The following UBE2E1 variants were observed in gnomAD, a reference collection of about 807,000 sequenced individuals.
UBE2E1 encodes ubiquitin-conjugating enzyme E2 E1.
Under a neutral mutation model 21.4 loss-of-function variants are expected in UBE2E1, and 6 were observed. The observed-to-expected ratio is 0.28, with a 90% CI of 0.15 to 0.55. The LOEUF (loss-of-function observed/expected upper bound fraction) is 0.55. UBE2E1 is among the 20% of genes least tolerant of loss of function. The probability of loss-of-function intolerance (pLI) is 0.93; values close to 1 mark genes in which losing one functional copy is unlikely to be tolerated. For missense variants in UBE2E1, 142 were observed against 236.5 expected (o/e 0.60, Z 2.62); for synonymous variants, 87 against 82.7 (o/e 1.05, Z -0.28).
chr3:23,836,954 T>A lies in UBE2E1; in HGVS notation c.203+25444T>A, dbSNP rs535349930. On this transcript the variant is annotated intron_variant, in intron 3 of 5. Coordinates refer to ENST00000306627, the MANE Select transcript of UBE2E1 (RefSeq NM_003341.5). The surrounding 1 kb of genome is among the most constrained non-coding windows in gnomAD (Gnocchi z 4.1). ...ATGAAAAGATGGGCAATTTGGGAAA[T>A]CTGTGGCTTGTTAACTTGTTTGGCA... is the stretch of plus-strand genomic sequence containing the variant. Among the ~76,000 whole-genome samples, 9 of 152,304 alleles carry A rather than the reference T, an allele frequency of 5.9e-5. 1 individual carries two copies. In the South Asian group the frequency reaches 1.0e-3, roughly 18 times the overall value.
chr3:23,879,125 C>T (rs1700980838), intron 3 of UBE2E1: 1 of 553,788 alleles, frequency 1.8e-6, no homozygotes, highest in South Asian at 1.5e-5. Context: ...AGTAGAGGGA[C>T]TGCTTGGTTT....
At chr3:23,851,188 A>G (rs762610501) in intron 3 of UBE2E1, among the ~76,000 whole-genome samples, 1 of 152,174 alleles carries the variant, frequency 6.6e-6, no homozygotes, top group Non-Finnish European at 1.5e-5. Context: ...TCTTGTCAAA[A>G]ATCAATTTAC....
chr3:23,863,411 G>A lies in UBE2E1; in HGVS notation c.204-24156G>A, dbSNP rs151281661. ...TTTTCCCCTCTCCCTTTCTCCCTCT[G>A]TGCCCTTCCCTACCCACTACATATA... On this transcript the variant is annotated intron_variant, in intron 3 of 5. Transcript: ENST00000306627. This position sits in a 1 kb window ranked among gnomAD's most constrained non-coding sequence, Gnocchi z 4.3. 6.6e-6 allele frequency among the ~76,000 whole-genome samples: 1 copy of A among 151,748 alleles called. No homozygotes were observed. Among genetic ancestry groups the A allele is most frequent in the East Asian group, 1.9e-4 (1 of 5,172 alleles).
intron 3 of UBE2E1, among the ~76,000 whole-genome samples, chr3:23,835,185 G>T (rs1350605400): frequency 2.0e-5 from 3 of 152,202 alleles, no homozygotes; most frequent in Admixed American, 6.5e-5. Context: ...TTAAAAAAAT[G>T]CAGGCCAGGT....
intron 5 of UBE2E1, chr3:23,889,580 G>C: frequency 1.0e-6 from 1 of 985,058 alleles, no homozygotes. Context: ...AAACAAATCA[G>C]ACACTTCTAA....
At chr3:23,886,865 C>T (rs1701198494) in intron 3 of UBE2E1, among the ~76,000 whole-genome samples, 1 of 152,218 alleles carries the variant, frequency 6.6e-6, no homozygotes, top group Non-Finnish European at 1.5e-5. Context: ...TAGAAGCCAA[C>T]ACAATGCTTT....
rs139337033 is a variant in UBE2E1 at position 23,863,810 on chromosome 3, G to A, written c.204-23757G>A. Among the ~76,000 whole-genome samples, 518 of 152,224 alleles carry A rather than the reference G, an allele frequency of 3.4e-3. 2 individuals are homozygous for A. The highest frequency in any genetic ancestry group is 5.2e-3 in the Non-Finnish European group (351 of 68,010). On this transcript the variant is annotated intron_variant, in intron 3 of 5. Coordinates refer to ENST00000306627, the MANE Select transcript of UBE2E1 (RefSeq NM_003341.5). This position sits in a 1 kb window ranked among gnomAD's most constrained non-coding sequence, Gnocchi z 4.3. ...CTCCCAAAGTGCTGGGATTACAGGC[G>A]TGAACCACCGCGCCCAGCCTGAATT...
intron 3 of UBE2E1, among the ~76,000 whole-genome samples, chr3:23,813,788 G>A (rs866661692): frequency 6.6e-6 from 1 of 152,160 alleles, no homozygotes; most frequent in Non-Finnish European, 1.5e-5. Context: ...TGATCTGCCC[G>A]CCTTGGCCTC....
chr3:23,889,338 A>C, intron 5 of UBE2E1, 79 bp downstream of exon 5: 1 of 1,597,504 alleles, frequency 6.3e-7, no homozygotes, highest in Non-Finnish European at 8.5e-7. Flanking sequence ...TCAAAGGACA[A>C]AACTAATTTT....
At position 23,863,680 on chromosome 3, in the gene UBE2E1, G is replaced by A. The variant is rs1466764099; in HGVS notation, c.204-23887G>A. Among the ~76,000 whole-genome samples, 1 of 152,006 alleles carries A rather than the reference G, an allele frequency of 6.6e-6. No homozygotes were observed. The highest frequency in any genetic ancestry group is 1.9e-4 in the East Asian group (1 of 5,184). On this transcript the variant is annotated intron_variant, in intron 3 of 5. Coordinates refer to ENST00000306627, the MANE Select transcript of UBE2E1 (RefSeq NM_003341.5). This position sits in a 1 kb window ranked among gnomAD's most constrained non-coding sequence, Gnocchi z 4.3. ...CAAGTAGCTGAGATTACAGGCATGC[G>A]CCACCACGCCTGGCTAATTTTCTAT...
chr3:23,882,917 C>T (rs1701086777), intron 3 of UBE2E1, among the ~76,000 whole-genome samples: 1 of 152,206 alleles, frequency 6.6e-6, no homozygotes, highest in South Asian at 2.1e-4. Context: ...CGCGCCTCTC[C>T]CTCCACACCT....
rs562083541 is a variant in UBE2E1 at position 23,823,057 on chromosome 3, G to A, written c.203+11547G>A. Among the ~76,000 whole-genome samples, 4 of 152,194 alleles carry A rather than the reference G, an allele frequency of 2.6e-5. No individual in the cohort carries two copies. In the South Asian group the frequency reaches 8.3e-4, roughly 32 times the overall value. Reference sequence around the variant, plus strand: ...AGATGGGGTTTCACCATGTTGGCCAGGCTAGTCGAAAACTCCTGACCTTGT... The same window carrying A: ...AGATGGGGTTTCACCATGTTGGCCAAGCTAGTCGAAAACTCCTGACCTTGT... On this transcript the variant is annotated intron_variant, in intron 3 of 5. Coordinates refer to ENST00000306627, the MANE Select transcript of UBE2E1 (RefSeq NM_003341.5). The surrounding 1 kb of genome is among the most constrained non-coding windows in gnomAD (Gnocchi z 4.2).
At chr3:23,882,828 G>A (rs554385683) in intron 3 of UBE2E1, among the ~76,000 whole-genome samples, 3 of 152,202 alleles carry the variant, frequency 2.0e-5, no homozygotes, top group Non-Finnish European at 4.4e-5. Context: ...CGGCTGCTCC[G>A]AGTGCGGGGC....
In UBE2E1 at chr3:23,816,020, T is replaced by C. The variant is rs1464356795; in HGVS notation, c.203+4510T>C. Among the ~76,000 whole-genome samples the C allele has an allele frequency of 6.6e-6, 1 of 152,214 alleles. No homozygotes were observed. Among genetic ancestry groups the C allele is most frequent in the Non-Finnish European group, 1.5e-5 (1 of 68,036 alleles). The stretch of plus-strand genomic sequence containing the variant: ...GGAATTAGATCATCACTGGGGCCTT[T>C]CCTATTAGAGAGGAAAGAAACCCTA... On this transcript the variant is annotated intron_variant, in intron 3 of 5. Transcript: ENST00000306627. The surrounding 1 kb of genome is among the most constrained non-coding windows in gnomAD (Gnocchi z 4.8).
At chr3:23,841,977 A>G (rs1700095496) in intron 3 of UBE2E1, among the ~76,000 whole-genome samples, 1 of 152,092 alleles carries the variant, frequency 6.6e-6, no homozygotes. Context: ...AAATGGGATA[A>G]TCTTTTACAA....
chr3:23,887,616 G>A lies in UBE2E1; in HGVS notation c.253G>A (p.Gly85Arg). 1 of 1,613,946 alleles carries A rather than the reference G, an allele frequency of 6.2e-7. No homozygotes were observed. The highest frequency in any genetic ancestry group is 8.5e-7 in the Non-Finnish European group (1 of 1,179,990). ...CTATGAATGGAGATCAACCATTCTA[G>A]GGCCTCCAGGATCCGTGTATGAGGG... ...NIYEWRSTIL[G>R]PPGSVYEGGV... Residue 85 changes from glycine to arginine, a missense_variant, in exon 4 of 6, where the codon GGG (glycine) becomes AGG (arginine). Physicochemically the swap from Gly to Arg is moderately radical, Grantham distance 125 (BLOSUM62 -2). Coordinates refer to ENST00000306627, the MANE Select transcript of UBE2E1 (RefSeq NM_003341.5). The surrounding 1 kb of genome is among the most constrained non-coding windows in gnomAD (Gnocchi z 4.4).
At chr3:23,856,508 A>C (rs1700440541) in intron 3 of UBE2E1, among the ~76,000 whole-genome samples, 1 of 152,256 alleles carries the variant, frequency 6.6e-6, no homozygotes, top group African/African-American at 2.4e-5. Flanking sequence ...GCCAAGGACC[A>C]ACAACTGTTA....
rs1490995657 is a variant in UBE2E1, at chr3:23,842,676, T to TA, written c.203+31167dup. 6.6e-6 allele frequency among the ~76,000 whole-genome samples: 1 copy of TA among 152,194 alleles called. No homozygotes were observed. Among genetic ancestry groups the TA allele is most frequent in the African/African-American group, 2.4e-5 (1 of 41,460 alleles). Reference sequence around the variant, plus strand: ...CATTTTTTGTGACGTAAAATCTCATTATCACAAATTACAAGTGCGCTATTC... The same window carrying TA: ...CATTTTTTGTGACGTAAAATCTCATTAATCACAAATTACAAGTGCGCTATTC... On this transcript the variant is annotated intron_variant, in intron 3 of 5. Coordinates refer to ENST00000306627, the MANE Select transcript of UBE2E1 (RefSeq NM_003341.5). This position sits in a 1 kb window ranked among gnomAD's most constrained non-coding sequence, Gnocchi z 4.6.
intron 3 of UBE2E1, among the ~76,000 whole-genome samples, chr3:23,854,771 A>G (rs1032813499): frequency 1.3e-5 from 2 of 152,214 alleles, no homozygotes; most frequent in African/African-American, 2.4e-5. Flanking sequence ...TTAAATACGT[A>G]GGATTATGAT....
Sources: gnomAD v4.1 joint callset for allele counts (sites outside exome capture counted in the v4.1 genomes callset) on GRCh38, gnomAD v4.1.1 for gene constraint, Gnocchi (gnomAD v3.1) non-coding constraint, MANE v1.5 for transcripts, NCBI Gene and HGNC (gene_info 2026-07-23, HGNC 2026-07-21) for gene names.